Variants in ZFAND3 observed in about 807,000 individuals in gnomAD.
ZFAND3 encodes AN1-type zinc finger protein 3.
In ZFAND3, 10 loss-of-function variants were observed where a neutral mutation model predicts 29.6. The ratio of observed to expected loss-of-function variants is 0.34; its 90% confidence interval spans 0.21 to 0.57. The LOEUF (loss-of-function observed/expected upper bound fraction) is 0.57. Ranked by LOEUF, ZFAND3 falls within the 20% of genes least tolerant of loss-of-function variation. The probability of loss-of-function intolerance (pLI) is 0.86; values close to 1 mark genes in which losing one functional copy is unlikely to be tolerated. For missense variants in ZFAND3, 230 were observed against 304.5 expected, an observed-to-expected ratio of 0.76 and a Z score of 1.82; for synonymous variants, 128 against 112.6, an observed-to-expected ratio of 1.14 and a Z score of -0.87.
chr6:38,079,734 T>A (rs959185694), intron 3 of ZFAND3, among the ~76,000 whole-genome samples: 1 of 152,126 alleles, frequency 6.6e-6, no homozygotes, highest in Non-Finnish European at 1.5e-5. Flanking sequence ...GATACCGAGT[T>A]AGGGGTAATC....
At chr6:38,018,008 T>C (rs1355574971) in intron 2 of ZFAND3, among the ~76,000 whole-genome samples, 3 of 152,216 alleles carry the variant, frequency 2.0e-5, no homozygotes, top group Non-Finnish European at 4.4e-5. Flanking sequence ...GAGGATCAGC[T>C]CCCTTTTGCA....
intron 1 of ZFAND3, among the ~76,000 whole-genome samples, chr6:37,863,940 A>T (rs560839327): frequency 1.1e-4 from 17 of 152,290 alleles, no homozygotes; most frequent in Non-Finnish European, 1.9e-4. Flanking sequence ...GTCTGAATCC[A>T]TCTCCATGAT....
At chr6:37,939,790 C>T (rs1001586917) in intron 2 of ZFAND3, among the ~76,000 whole-genome samples, 6 of 152,048 alleles carry the variant, frequency 3.9e-5, no homozygotes, top group Non-Finnish European at 8.8e-5. Flanking sequence ...ACCTGTAATC[C>T]CAACACTTCG....
intron 1 of ZFAND3, among the ~76,000 whole-genome samples, chr6:37,874,730 A>G (rs1033412539): frequency 6.6e-6 from 1 of 151,964 alleles, no homozygotes; most frequent in African/African-American, 2.4e-5. Flanking sequence ...TTCAACCCAT[A>G]ATACCATTCT....
intron 2 of ZFAND3, among the ~76,000 whole-genome samples, chr6:37,966,017 C>T (rs1422882514): frequency 6.6e-6 from 1 of 152,154 alleles, no homozygotes; most frequent in Non-Finnish European, 1.5e-5. Context: ...CCTGCCTTGA[C>T]CTCCCTAAGT....
Position 37,994,823 on chromosome 6 carries a change from C to T in ZFAND3, c.112+64824C>T, listed in dbSNP as rs139422421. On this transcript the variant is annotated intron_variant, in intron 2 of 5. Coordinates refer to ENST00000287218, the MANE Select transcript of ZFAND3 (RefSeq NM_021943.3). ...CAGGTGCTGTTGTGTGTTTTGTAAA[C>T]AAACATTCATCTTTAGTGGCTAGAT... 3.1e-3 allele frequency among the ~76,000 whole-genome samples: 470 copies of T among 152,272 alleles called. 3 individuals carry two copies. The highest frequency in any genetic ancestry group is 0.011 in the African/African-American group (447 of 41,574).
At chr6:37,884,217 G>T (rs774015549) in intron 1 of ZFAND3, among the ~76,000 whole-genome samples, 7 of 145,294 alleles carry the variant, frequency 4.8e-5, no homozygotes, top group Non-Finnish European at 1.0e-4. Flanking sequence ...CAGGTGGCTG[G>T]ATGCGGTGGC....
intron 5 of ZFAND3, among the ~76,000 whole-genome samples, chr6:38,144,517 A>AG (rs1476243080): frequency 2.0e-5 from 3 of 152,158 alleles, no homozygotes; most frequent in Non-Finnish European, 2.9e-5. Context: ...AGCACAGGCT[A>AG]GGGGGTGGTG....
intron 5 of ZFAND3, among the ~76,000 whole-genome samples, chr6:38,133,303 G>A (rs1765777853): frequency 6.6e-6 from 1 of 152,214 alleles, no homozygotes; most frequent in Non-Finnish European, 1.5e-5. Context: ...CTGGCGTGCG[G>A]TGACACATTA....
chr6:38,045,462 GA>G (rs1175091964), intron 2 of ZFAND3, among the ~76,000 whole-genome samples: 1 of 152,080 alleles, frequency 6.6e-6, no homozygotes, highest in African/African-American at 2.4e-5. Context: ...AAGATAAAAT[GA>G]AATAAGAATC....
intron 4 of ZFAND3, among the ~76,000 whole-genome samples, chr6:38,100,229 C>T (rs1326134150): frequency 2.6e-5 from 4 of 151,796 alleles, no homozygotes; most frequent in African/African-American, 9.7e-5. Flanking sequence ...ACGCCAAGCT[C>T]GTTTTTGTAT....
chr6:37,821,182 A>G (rs1763660590), intron 1 of ZFAND3, among the ~76,000 whole-genome samples: 1 of 152,204 alleles, frequency 6.6e-6, no homozygotes, highest in Non-Finnish European at 1.5e-5. Context: ...ATTAAGAGTA[A>G]TTTTGGGAGT....
rs1019287290 is a variant in ZFAND3, at chr6:38,154,102, G to A, written c.*1713G>A. ...ACCCAGACCGGTGTCTTGCTCTAGG[G>A]CAACCCAGGGCAGAGGGGCCAGGTC... is the stretch of plus-strand genomic sequence containing the variant. On this transcript the variant is annotated 3_prime_UTR_variant, in exon 6 of 6. Coordinates refer to ENST00000287218, the MANE Select transcript of ZFAND3 (RefSeq NM_021943.3). The A allele has an allele frequency of 2.1e-5, 21 of 985,418 alleles. No homozygotes were observed. In the African/African-American group the frequency reaches 3.0e-4, roughly 14 times the overall value. The allele number at this position is 985,418 out of a possible 1,614,324, so 61.0% of individuals were successfully genotyped here.
chr6:38,152,211 C>G, intron 5 of ZFAND3, 24 bp from the exon 6 acceptor site: 6 of 1,491,562 alleles, frequency 4.0e-6, no homozygotes, highest in Non-Finnish European at 4.5e-6. Context: ...CACACTCTTT[C>G]CTCTGCTTCT....
intron 2 of ZFAND3, among the ~76,000 whole-genome samples, chr6:38,027,115 C>CA (rs1354135566): frequency 6.6e-6 from 1 of 152,208 alleles, no homozygotes; most frequent in East Asian, 1.9e-4. Context: ...GGATAGTGAA[C>CA]AGTTAGCTCC....
chr6:38,025,119 A>C (rs1194583109), intron 2 of ZFAND3, among the ~76,000 whole-genome samples: 4 of 152,220 alleles, frequency 2.6e-5, no homozygotes, highest in African/African-American at 4.8e-5. Flanking sequence ...TATTGGATCC[A>C]TTCATTACAT....
At chr6:37,912,945 G>A (rs1765549119) in intron 1 of ZFAND3, among the ~76,000 whole-genome samples, 1 of 152,160 alleles carries the variant, frequency 6.6e-6, no homozygotes, top group South Asian at 2.1e-4. Flanking sequence ...ACATATAAAA[G>A]TTATGTTTAT....
chr6:37,933,950 C>T (rs560996940), intron 2 of ZFAND3, among the ~76,000 whole-genome samples: 23 of 146,732 alleles, frequency 1.6e-4, no homozygotes, highest in South Asian at 6.4e-4. Context: ...TGCAGTGGCG[C>T]GATCTCTGCT....
chr6:37,987,251 G>A (rs756236100), intron 2 of ZFAND3, among the ~76,000 whole-genome samples: 1 of 152,164 alleles, frequency 6.6e-6, no homozygotes, highest in Non-Finnish European at 1.5e-5. Context: ...CAGAGGTTGC[G>A]GGTGGTGATG....
Sources: gnomAD v4.1 joint callset for allele counts (sites outside exome capture counted in the v4.1 genomes callset) on GRCh38, gnomAD v4.1.1 for gene constraint, MANE v1.5 for transcripts, NCBI Gene and HGNC (gene_info 2026-07-23, HGNC 2026-07-21) for gene names.